Variants in GLB1 observed in about 807,000 individuals in gnomAD.
GLB1 encodes galactosidase beta 1.
Under a neutral mutation model 74.0 loss-of-function variants are expected in GLB1, and 56 were observed. The observed-to-expected ratio is 0.76, with a 90% CI of 0.61 to 0.94. GLB1 has a LOEUF of 0.94. Among genes scored for constraint, GLB1 ranks in the 40% least tolerant of loss-of-function variants. The pLI, the probability that GLB1 is intolerant of heterozygous loss-of-function variation, is 0.00. For missense variants in GLB1, 787 were observed against 845.5 expected, an observed-to-expected ratio of 0.93 and a Z score of 0.86; for synonymous variants, 323 against 323.6, an observed-to-expected ratio of 1.00 and a Z score of 0.02.
chr3:32,971,827 A>G, the GLB1 span, among the ~76,000 whole-genome samples: 1 of 152,140 alleles, frequency 6.6e-6, no homozygotes, highest in Non-Finnish European at 1.5e-5. Flanking sequence ...AGAGGCTCCA[A>G]CTGCTTGGAA....
chr3:32,962,845 A>G, the GLB1 span, among the ~76,000 whole-genome samples: 2 of 151,974 alleles, frequency 1.3e-5, no homozygotes, highest in African/African-American at 4.8e-5. Context: ...AGCAAGCTCA[A>G]TGGCATAAAA....
At chr3:33,082,388 C>T (rs1267262399) in intron 1 of GLB1, among the ~76,000 whole-genome samples, 6 of 152,218 alleles carry the variant, frequency 3.9e-5, no homozygotes, top group Admixed American at 3.9e-4. Flanking sequence ...GAACTGCCCA[C>T]TCCCCACTCC....
chr3:32,995,844 CAAAAA>C (rs71070110), downstream of GLB1, among the ~76,000 whole-genome samples: 5 of 124,236 alleles, frequency 4.0e-5, no homozygotes, highest in Non-Finnish European at 6.7e-5. Flanking sequence ...GACCCAGCCT[CAAAAA>C]AAAAAAAAAA....
At chr3:33,096,396 A>G (rs1160597558) in intron 1 of GLB1, 1 of 672,156 alleles carries the variant, frequency 1.5e-6, no homozygotes, top group Non-Finnish European at 1.8e-6. Context: ...CAGCCTGCCT[A>G]TTCCCCCCCT....
chr3:33,074,376 G>GAAA lies in GLB1; in HGVS notation c.76-1664_76-1663insTTT, dbSNP rs1491278445. ...AGGAAGGAAGGAAGGAAGGAAGGAA[G>GAAA]GAAGGAAGGAAGGAAGAAAGAAAGA... is the stretch of plus-strand genomic sequence containing the variant. On this transcript the variant is annotated intron_variant, in intron 1 of 15. Coordinates refer to ENST00000307363, the MANE Select transcript of GLB1 (RefSeq NM_000404.4). Among the ~76,000 whole-genome samples, 225 of 128,928 alleles carry GAAA rather than the reference G, an allele frequency of 1.7e-3. 13 individuals carry two copies. Among genetic ancestry groups the GAAA allele is most frequent in the African/African-American group, 5.3e-3 (182 of 34,242 alleles). The allele number at this position is 128,928 out of a possible 152,430, so 84.6% of individuals were successfully genotyped here.
intron 2 of GLB1, 151 bp downstream of exon 2, chr3:33,072,393 G>T: frequency 8.3e-7 from 1 of 1,208,044 alleles, no homozygotes; most frequent in Non-Finnish European, 1.2e-6. Context: ...AAAAGGGCCA[G>T]TCCGGCTCAT....
the GLB1 span, among the ~76,000 whole-genome samples, chr3:32,987,001 C>A: frequency 6.6e-6 from 1 of 152,208 alleles, no homozygotes; most frequent in Non-Finnish European, 1.5e-5. Flanking sequence ...GATGCCCACC[C>A]AACTTTCCTT....
In GLB1 at chr3:33,093,262, C is replaced by T. The variant is rs1301989503; in HGVS notation, c.75+3749G>A. 3.1e-6 allele frequency: 5 copies of T among 1,614,014 alleles called. No homozygotes were observed. The highest frequency in any genetic ancestry group is 4.2e-6 in the Non-Finnish European group (5 of 1,180,004). On this transcript the variant is annotated intron_variant, in intron 1 of 15. Coordinates refer to ENST00000307363, the MANE Select transcript of GLB1 (RefSeq NM_000404.4). This position sits in a 1 kb window ranked among gnomAD's most constrained non-coding sequence, Gnocchi z 6.0. ...CCACTGCCACCACCACCACGTTGGG[C>T]CCGTGTGGCGGAAATCTTCACGTTC...
the GLB1 span, among the ~76,000 whole-genome samples, chr3:32,961,509 C>G: frequency 6.6e-6 from 1 of 152,112 alleles, no homozygotes. Flanking sequence ...GCAGGTTTGC[C>G]AAATTTCAAA....
chr3:33,039,431 G>C (rs1698415464), intron 10 of GLB1, among the ~76,000 whole-genome samples: 1 of 151,980 alleles, frequency 6.6e-6, no homozygotes, highest in African/African-American at 2.4e-5. Context: ...GCAGAGAACT[G>C]GAAACAATTT....
rs1267383594 is a variant in GLB1, at chr3:33,077,130, G to A, written c.76-4417C>T. ...GCCTCCTTCTTCTCCCACTCCTGTT[G>A]CTGCTTGCGTGCTCATTCGGTGCAG... On this transcript the variant is annotated intron_variant, in intron 1 of 15. Coordinates refer to ENST00000307363, the MANE Select transcript of GLB1 (RefSeq NM_000404.4). 2.1e-6 allele frequency: 3 copies of A among 1,428,898 alleles called. No homozygotes were observed. In the South Asian group the frequency reaches 3.6e-5, roughly 17 times the overall value. 88.5% of individuals were successfully genotyped at this position (1,428,898 alleles called of 1,614,324 possible).
intron 5 of GLB1, among the ~76,000 whole-genome samples, chr3:33,064,514 C>T (rs1311629983): frequency 6.7e-6 from 1 of 150,192 alleles, no homozygotes; most frequent in Non-Finnish European, 1.5e-5. Context: ...CGGTGGCTCA[C>T]GCCTGTAATC....
At chr3:33,014,699 G>A (rs1697170991) in intron 14 of GLB1, among the ~76,000 whole-genome samples, 1 of 152,208 alleles carries the variant, frequency 6.6e-6, no homozygotes, top group African/African-American at 2.4e-5. Context: ...AGGCGCAGTG[G>A]CTCATGCCTG....
intron 5 of GLB1, among the ~76,000 whole-genome samples, chr3:33,062,291 C>A (rs950174286): frequency 1.3e-5 from 2 of 152,184 alleles, no homozygotes; most frequent in African/African-American, 4.8e-5. Context: ...CCTCTGCCCC[C>A]TGAATGGCTG....
chr3:32,994,403 CTTA>C (rs986108073), downstream of GLB1, among the ~76,000 whole-genome samples: 1 of 152,130 alleles, frequency 6.6e-6, no homozygotes, highest in African/African-American at 2.4e-5. Context: ...AAGTACTCCC[CTTA>C]TTATTTTCCA....
In GLB1 at chr3:33,058,047, A is replaced by T. The variant is rs886038291; in HGVS notation, c.733+42T>A. 2.5e-6 allele frequency: 4 copies of T among 1,611,622 alleles called. No homozygotes were observed. Among genetic ancestry groups the T allele is most frequent in the African/African-American group, 2.7e-5 (2 of 74,852 alleles). On this transcript the variant is annotated intron_variant, in intron 6 of 15. Coordinates refer to ENST00000307363, the MANE Select transcript of GLB1 (RefSeq NM_000404.4). ...GCCCAGAGCAACTGACTGAGTAAAA[A>T]GCTGATTTTAAGCTGCAATTTCTGT...
At chr3:32,966,240 T>C in the GLB1 span, among the ~76,000 whole-genome samples, 1 of 152,194 alleles carries the variant, frequency 6.6e-6, no homozygotes, top group Non-Finnish European at 1.5e-5. Flanking sequence ...GGCTATACCC[T>C]GCAAAGCCAC....
chr3:32,998,601 A>G (rs1696418292), intron 15 of GLB1, among the ~76,000 whole-genome samples: 1 of 152,194 alleles, frequency 6.6e-6, no homozygotes, highest in South Asian at 2.1e-4. Flanking sequence ...CAAAGAAAGA[A>G]AGTGAAGATG....
In GLB1 at chr3:32,997,082, G is replaced by C. The variant is rs754538192; in HGVS notation, c.1997C>G (p.Pro666Arg). The C allele has an allele frequency of 1.2e-6, 2 of 1,613,944 alleles. No homozygotes were observed. The highest frequency in any genetic ancestry group is 4.5e-5 in the East Asian group (2 of 44,892). ...PVEKRLMPPP[P>R]QKNKDSWLDH... ...CAGCCATGAATCTTTGTTTTTTTGC[G>C]GGGGTGGGGGCATGAGTCTTTTTTC... Residue 666 changes from proline to arginine, a missense_variant, in exon 16 of 16, where the codon CCG becomes CGG. Physicochemically the swap from Pro to Arg is moderately radical, Grantham distance 103. Coordinates refer to ENST00000307363, the MANE Select transcript of GLB1 (RefSeq NM_000404.4).
Sources: allele counts gnomAD v4.1 joint callset (sites outside exome capture counted in the v4.1 genomes callset), GRCh38; gene constraint gnomAD v4.1.1; non-coding constraint Gnocchi (gnomAD v3.1); transcripts MANE v1.5; gene names NCBI Gene and HGNC (gene_info 2026-07-23, HGNC 2026-07-21).